The following RNF130 variants were observed in gnomAD, a reference collection of about 807,000 sequenced individuals.
RNF130 encodes E3 ubiquitin-protein ligase RNF130.
Under a neutral mutation model 44.6 loss-of-function variants are expected in RNF130, and 21 were observed. The ratio of observed to expected loss-of-function variants is 0.47; its 90% CI spans 0.33 to 0.68. RNF130 has a LOEUF of 0.68. Ranked by LOEUF, RNF130 falls within the 30% of genes least tolerant of loss-of-function variation. RNF130 has a pLI of 0.02. For missense variants in RNF130, 479 were observed against 560.6 expected (o/e 0.85, Z 1.47); for synonymous variants, 214 against 210.4 (o/e 1.02, Z -0.15).
chr5:179,963,793 T>G, intron 7 of RNF130: 1 of 545,146 alleles, frequency 1.8e-6, no homozygotes, highest in South Asian at 2.1e-5. Context: ...CAACCATTTC[T>G]TCCATTTAGG....
intron 2 of RNF130, among the ~76,000 whole-genome samples, chr5:180,019,898 C>A (rs921459790): frequency 6.6e-6 from 1 of 152,174 alleles, no homozygotes; most frequent in East Asian, 1.9e-4. Flanking sequence ...AGTCACGGAA[C>A]GGTGAACACT....
chr5:179,998,505 C>T (rs1018568668), intron 3 of RNF130, among the ~76,000 whole-genome samples: 2 of 151,982 alleles, frequency 1.3e-5, no homozygotes, highest in African/African-American at 4.8e-5. Flanking sequence ...ACTATATTGC[C>T]CAGGCTGGTC....
chr5:180,021,609 A>G (rs1289345382), intron 2 of RNF130, among the ~76,000 whole-genome samples: 4 of 152,000 alleles, frequency 2.6e-5, no homozygotes, highest in Non-Finnish European at 5.9e-5. Context: ...CAAATCATTC[A>G]TTTAAAAATA....
chr5:179,942,926 G>C lies in RNF130; in HGVS notation c.1151-22500C>G, dbSNP rs181774390. Among the ~76,000 whole-genome samples, 35 of 152,314 alleles carry C rather than the reference G, an allele frequency of 2.3e-4. No homozygotes were observed. The East Asian group carries it at 6.6e-3, about 29-fold the overall frequency. ...ATGTCTTTTCTTCTGGCTGGGTGCC[G>C]TGGCTCAGGCCTGTAATCCCAGCAA... On this transcript the variant is annotated intron_variant, in intron 7 of 7. Coordinates refer to the RNF130 transcript ENST00000522208.
intron 1 of RNF130, among the ~76,000 whole-genome samples, chr5:180,058,725 C>T (rs1177665494): frequency 2.0e-5 from 3 of 151,888 alleles, no homozygotes; most frequent in East Asian, 3.9e-4. Flanking sequence ...CTGGCTAACG[C>T]TAATTTTTGT....
At chr5:179,930,251 T>C (rs779659077) in intron 7 of RNF130, among the ~76,000 whole-genome samples, 5 of 152,016 alleles carry the variant, frequency 3.3e-5, no homozygotes, top group Non-Finnish European at 7.4e-5. Context: ...AGAGATGGGG[T>C]TTCACCACGT....
intron 3 of RNF130, among the ~76,000 whole-genome samples, chr5:180,000,104 T>C (rs1763299618): frequency 6.6e-6 from 1 of 152,242 alleles, no homozygotes; most frequent in Admixed American, 6.5e-5. Flanking sequence ...TCTCAAGATG[T>C]ATAACTTTCT....
At chr5:179,931,739 C>T (rs1761810868) in intron 7 of RNF130, among the ~76,000 whole-genome samples, 1 of 151,846 alleles carries the variant, frequency 6.6e-6, no homozygotes, top group South Asian at 2.1e-4. Context: ...GGTGCCACTG[C>T]ACTCCAGCCT....
In RNF130 at chr5:180,030,291, T is replaced by C. The variant is rs541481090; in HGVS notation, c.442+10162A>G. Among the ~76,000 whole-genome samples the C allele has an allele frequency of 7.8e-4, 119 of 152,354 alleles. 1 individual carries two copies. Among genetic ancestry groups the C allele is most frequent in the African/African-American group, 2.8e-3 (115 of 41,590 alleles). ...GTAAGAATACTTGAGGACATACAACTGAAACCTGTTTCAGTTTAAGAATCT... is the reference window on the plus strand; with the variant it reads ...GTAAGAATACTTGAGGACATACAACCGAAACCTGTTTCAGTTTAAGAATCT... On this transcript the variant is annotated intron_variant, in intron 2 of 8. Transcript: ENST00000521389.
intron 7 of RNF130, among the ~76,000 whole-genome samples, chr5:179,937,837 T>C (rs1036933747): frequency 1.2e-4 from 18 of 151,958 alleles, no homozygotes; most frequent in African/African-American, 3.9e-4. Context: ...AATTGTGGTG[T>C]AGACATACAA....
At chr5:179,957,361 G>A (rs1180066638) in intron 8 of RNF130, among the ~76,000 whole-genome samples, 5 of 151,954 alleles carry the variant, frequency 3.3e-5, no homozygotes, top group Non-Finnish European at 4.4e-5. Context: ...GCAGTGAGCC[G>A]AGATCCCACC....
At chr5:179,920,450 GACTT>G (rs774538384) in intron 7 of RNF130, 1 of 700,732 alleles carries the variant, frequency 1.4e-6, no homozygotes, top group South Asian at 1.5e-5. Context: ...AAGAGAAAGA[GACTT>G]AATAGGTCAC....
chr5:179,953,249 C>T (rs556833348), downstream of RNF130, among the ~76,000 whole-genome samples: 2 of 150,750 alleles, frequency 1.3e-5, no homozygotes, highest in African/African-American at 4.9e-5. Flanking sequence ...ATTGTTGAGA[C>T]AGCAATGCTA....
At chr5:180,033,447 G>C (rs1450832280) in intron 2 of RNF130, among the ~76,000 whole-genome samples, 1 of 152,218 alleles carries the variant, frequency 6.6e-6, no homozygotes, top group Non-Finnish European at 1.5e-5. Context: ...CTTTTGGGCA[G>C]GCCCAGTGGC....
At chr5:179,955,847 G>A (rs191216327) in intron 8 of RNF130, among the ~76,000 whole-genome samples, 178 bp from the exon 9 acceptor site, 1 of 152,340 alleles carries the variant, frequency 6.6e-6, no homozygotes, top group East Asian at 1.9e-4. Context: ...CAGATCTGCA[G>A]TTGACTGACT....
chr5:179,959,553 G>A (rs572870980), intron 8 of RNF130, among the ~76,000 whole-genome samples: 4 of 152,184 alleles, frequency 2.6e-5, no homozygotes, highest in African/African-American at 9.6e-5. Flanking sequence ...CTTGAACCCG[G>A]GAGGTGGAGG....
rs181016684 is a variant in RNF130 at position 179,922,310 on chromosome 5, T to A, written c.1151-1884A>T. Among the ~76,000 whole-genome samples the A allele has an allele frequency of 8.1e-4, 123 of 152,140 alleles. 1 individual carries two copies. In the East Asian group the frequency reaches 0.022, roughly 27 times the overall value. The stretch of plus-strand genomic sequence containing the variant: ...AAAAAAACTGGGCTTTTAAAAAAAA[T>A]TTCTTTTTTTAATTTTTTTTGAGAC... On this transcript the variant is annotated intron_variant, in intron 7 of 7. Coordinates refer to the RNF130 transcript ENST00000522208.
chr5:180,056,750 G>A (rs745389035), intron 1 of RNF130, among the ~76,000 whole-genome samples: 14 of 152,148 alleles, frequency 9.2e-5, no homozygotes, highest in Non-Finnish European at 1.8e-4. Context: ...TGACTGGACT[G>A]CATTGTTCTT....
At chr5:179,974,380 G>A (rs1013202630) in intron 5 of RNF130, among the ~76,000 whole-genome samples, 5 of 152,220 alleles carry the variant, frequency 3.3e-5, no homozygotes, top group Non-Finnish European at 4.4e-5. Flanking sequence ...ACAGTTCCTC[G>A]GTTTCTAAGA....
Sources: allele counts gnomAD v4.1 joint callset (sites outside exome capture counted in the v4.1 genomes callset), GRCh38; gene constraint gnomAD v4.1.1; transcripts MANE v1.5; gene names NCBI Gene and HGNC (gene_info 2026-07-23, HGNC 2026-07-21).